MYRIP: variants seen among roughly 807,000 people sequenced by gnomAD.
MYRIP encodes myosin VIIA and Rab interacting protein, also known as rab effector MyRIP.
A neutral mutation model predicts 98.0 loss-of-function variants in MYRIP; 49 were observed. The observed-to-expected ratio is 0.50, with a 90% CI of 0.40 to 0.63. The LOEUF is 0.63. Ranked by LOEUF, MYRIP falls within the 30% of genes least tolerant of loss-of-function variation. MYRIP has a pLI of 0.00. For synonymous variants in MYRIP, 404 were observed against 409.5 expected, an observed-to-expected ratio of 0.99 and a Z score of 0.16; for missense variants, 1,004 against 1,058.2, an observed-to-expected ratio of 0.95 and a Z score of 0.71.
At chr3:40,030,044 A>G (rs1947222537) in intron 2 of MYRIP, among the ~76,000 whole-genome samples, 1 of 151,812 alleles carries the variant, frequency 6.6e-6, no homozygotes, top group African/African-American at 2.4e-5. Context: ...TGGATGACAG[A>G]GCAAAACCCT....
At chr3:39,831,828 T>C (rs929861288) in intron 1 of MYRIP, among the ~76,000 whole-genome samples, 1 of 152,266 alleles carries the variant, frequency 6.6e-6, no homozygotes, top group African/African-American at 2.4e-5. Flanking sequence ...AATAGCCACC[T>C]ATGGCTGGTG....
intron 2 of MYRIP, among the ~76,000 whole-genome samples, chr3:39,980,797 C>T (rs951217514): frequency 6.6e-6 from 1 of 152,164 alleles, no homozygotes; most frequent in Admixed American, 6.5e-5. Context: ...TATTTTCTTA[C>T]ATTTTTATTC....
intron 3 of MYRIP, among the ~76,000 whole-genome samples, chr3:40,125,934 T>C (rs1178763523): frequency 1.3e-5 from 2 of 152,178 alleles, no homozygotes; most frequent in Non-Finnish European, 2.9e-5. Context: ...GGTCCCAGCG[T>C]GAGGGCTGTT....
At chr3:40,170,536 T>A (rs1950590689) in intron 8 of MYRIP, among the ~76,000 whole-genome samples, 1 of 152,178 alleles carries the variant, frequency 6.6e-6, no homozygotes, top group African/African-American at 2.4e-5. Flanking sequence ...ACACAGGAAG[T>A]CACAGTGTGG....
At chr3:39,919,698 G>A (rs1017461933) in intron 2 of MYRIP, among the ~76,000 whole-genome samples, 3 of 103,216 alleles carry the variant, frequency 2.9e-5, no homozygotes, top group African/African-American at 1.3e-4. Flanking sequence ...TGTGTGGTGT[G>A]TGTGTGTGTG....
chr3:39,974,601 A>AG lies in MYRIP; in HGVS notation c.111-69449_111-69448insG, dbSNP rs1207752612. ...AAGCCTGGCAGAGACACACCAAAAA[A>AG]AGAATTTTAGACCAATATCCCTGAT... On this transcript the variant is annotated intron_variant, in intron 2 of 16. Coordinates refer to ENST00000302541, the MANE Select transcript of MYRIP (RefSeq NM_015460.4). 9.2e-5 allele frequency among the ~76,000 whole-genome samples: 14 copies of AG among 151,624 alleles called. No homozygotes were observed. The East Asian group carries it at 2.7e-3, about 29-fold the overall frequency.
intron 1 of MYRIP, among the ~76,000 whole-genome samples, chr3:39,827,625 T>A (rs930443635): frequency 1.5e-4 from 23 of 152,140 alleles, no homozygotes; most frequent in African/African-American, 5.5e-4. Flanking sequence ...GATTGGTTCC[T>A]TTTTTTTCTT....
chr3:39,836,180 C>A (rs1941615221), intron 1 of MYRIP, among the ~76,000 whole-genome samples: 1 of 152,120 alleles, frequency 6.6e-6, no homozygotes. Context: ...CTGTCTTCCA[C>A]AATGGTTGGA....
At chr3:39,875,570 C>G (rs1356834663) in intron 1 of MYRIP, among the ~76,000 whole-genome samples, 3 of 151,706 alleles carry the variant, frequency 2.0e-5, no homozygotes, top group African/African-American at 7.3e-5. Flanking sequence ...CAAAGAACAT[C>G]TTTATTTCTG....
chr3:39,818,066 T>C (rs1458816804), intron 1 of MYRIP, among the ~76,000 whole-genome samples: 1 of 152,190 alleles, frequency 6.6e-6, no homozygotes, highest in African/African-American at 2.4e-5. Flanking sequence ...CTTCAAATAA[T>C]CTGTTTAATC....
chr3:39,812,395 A>C (rs1431431338), intron 1 of MYRIP, among the ~76,000 whole-genome samples: 1 of 152,244 alleles, frequency 6.6e-6, no homozygotes, highest in Non-Finnish European at 1.5e-5. Context: ...AAATAGAAGG[A>C]ATAATTTAGC....
chr3:39,970,470 G>T (rs1272611803), intron 2 of MYRIP, among the ~76,000 whole-genome samples: 1 of 152,078 alleles, frequency 6.6e-6, no homozygotes, highest in Admixed American at 6.6e-5. Context: ...ATGTGTGTGT[G>T]TGTTAACCTA....
In MYRIP at chr3:40,209,953, G is replaced by C. The variant is rs772207839; in HGVS notation, c.1765G>C (p.Glu589Gln). 1.2e-6 allele frequency: 2 copies of C among 1,613,940 alleles called. No individual in the cohort carries two copies. Among genetic ancestry groups the C allele is most frequent in the East Asian group, 4.5e-5 (2 of 44,874 alleles). ...GGAGAAACGGAGAAACAGGCTGTAC[G>C]AGTTAGCAATGAAAATGAGTGAAAA... ...TEEKRRNRLY[E>Q]LAMKMSEKET... Residue 589 changes from glutamate to glutamine, a missense_variant, in exon 11 of 17, where the codon GAG (glutamate) becomes CAG (glutamine). Coordinates refer to ENST00000302541, the MANE Select transcript of MYRIP (RefSeq NM_015460.4).
In MYRIP at chr3:39,952,291, C is replaced by G. The variant is rs572929928; in HGVS notation, c.110+51365C>G. Among the ~76,000 whole-genome samples the G allele has an allele frequency of 1.5e-3, 221 of 152,246 alleles. 4 individuals carry two copies. In the South Asian group the frequency reaches 0.044, roughly 30 times the overall value. ...GTATACCTCATTTTGCTTATCCATTCACTCAATGCATTGTTTTCACTCCCT... is the reference window on the plus strand; with the variant it reads ...GTATACCTCATTTTGCTTATCCATTGACTCAATGCATTGTTTTCACTCCCT... On this transcript the variant is annotated intron_variant, in intron 2 of 16. Coordinates refer to ENST00000302541, the MANE Select transcript of MYRIP (RefSeq NM_015460.4).
chr3:40,235,210 C>T (rs539972595), intron 12 of MYRIP, among the ~76,000 whole-genome samples: 7 of 152,234 alleles, frequency 4.6e-5, no homozygotes, highest in East Asian at 1.9e-4. Flanking sequence ...TGCCATGGTT[C>T]CCGCTCCCCA....
chr3:39,902,875 C>T lies in MYRIP; in HGVS notation c.110+1949C>T, dbSNP rs182082219. ...GTAGACCCAACAAAATGGGCACCGT[C>T]TATCTCATGAGGACAGGTAGTCTTA... On this transcript the variant is annotated intron_variant, in intron 2 of 16. Coordinates refer to ENST00000302541, the MANE Select transcript of MYRIP (RefSeq NM_015460.4). Among the ~76,000 whole-genome samples, 111 of 152,302 alleles carry T rather than the reference C, an allele frequency of 7.3e-4. 3 individuals are homozygous for T. In the South Asian group the frequency reaches 0.022, roughly 30 times the overall value.
At chr3:40,214,762 C>G (rs1282762771) in intron 11 of MYRIP, among the ~76,000 whole-genome samples, 2 of 152,212 alleles carry the variant, frequency 1.3e-5, no homozygotes, top group South Asian at 2.1e-4. Context: ...AACCACTGAA[C>G]AGCCATGCCA....
intron 5 of MYRIP, 55 bp from the exon 6 acceptor site, chr3:40,166,791 T>C (rs1282393302): frequency 8.4e-7 from 1 of 1,192,190 alleles, no homozygotes; most frequent in Non-Finnish European, 1.3e-6. Flanking sequence ...GCTTGAACAA[T>C]CGTTTTACTC....
intron 2 of MYRIP, among the ~76,000 whole-genome samples, chr3:39,978,042 A>T (rs1394488353): frequency 6.6e-6 from 1 of 152,146 alleles, no homozygotes; most frequent in Non-Finnish European, 1.5e-5. Flanking sequence ...CCTCATCTCA[A>T]CAGGACACCT....
Sources: gnomAD v4.1 joint callset for allele counts (sites outside exome capture counted in the v4.1 genomes callset) on GRCh38, gnomAD v4.1.1 for gene constraint, MANE v1.5 for transcripts, NCBI Gene and HGNC (gene_info 2026-07-23, HGNC 2026-07-21) for gene names.